The following STXBP5L variants were observed in gnomAD, a reference collection of about 807,000 sequenced individuals.
STXBP5L encodes syntaxin-binding protein 5-like.
A neutral mutation model predicts 144.5 loss-of-function variants in STXBP5L; 65 were observed. The observed-to-expected ratio is 0.45, with a 90% CI of 0.37 to 0.55. The LOEUF (loss-of-function observed/expected upper bound fraction) is 0.55. Among genes scored for constraint, STXBP5L ranks in the 20% least tolerant of loss-of-function variants. The probability of loss-of-function intolerance (pLI) is 0.00; values close to 1 mark genes in which losing one functional copy is unlikely to be tolerated. For synonymous variants in STXBP5L, 505 were observed against 469.6 expected, an observed-to-expected ratio of 1.08 and a Z score of -0.97; for missense variants, 1,298 against 1,405.5, an observed-to-expected ratio of 0.92 and a Z score of 1.22.
In STXBP5L at chr3:121,320,701, CTT is replaced by C. The variant is rs533248342; in HGVS notation, c.2176+2179_2176+2180del. 4.4e-4 allele frequency among the ~76,000 whole-genome samples: 60 copies of C among 134,840 alleles called. 1 individual carries two copies. Among genetic ancestry groups the C allele is most frequent in the Non-Finnish European group, 4.3e-4 (27 of 62,630 alleles). 88.5% of individuals were successfully genotyped at this position (134,840 alleles called of 152,430 possible). On this transcript the variant is annotated intron_variant, in intron 20 of 26. Transcript: ENST00000471454. ...ACCACCACAACGCACAACGACCACA[CTT>C]TTTTTTTTTTTTTTTTTAGACGGAG...
intron 5 of STXBP5L, among the ~76,000 whole-genome samples, chr3:121,076,460 C>T (rs72970647): frequency 6.6e-6 from 1 of 151,984 alleles, no homozygotes; most frequent in South Asian, 2.1e-4. Context: ...TTCTGTGGTT[C>T]CTGGTTTTGT....
At chr3:120,978,236 G>A (rs569282401) in intron 3 of STXBP5L, among the ~76,000 whole-genome samples, 5 of 152,186 alleles carry the variant, frequency 3.3e-5, no homozygotes, top group African/African-American at 1.2e-4. Flanking sequence ...TGGAGGCTTT[G>A]TTCGTTTCTT....
intron 3 of STXBP5L, among the ~76,000 whole-genome samples, chr3:121,005,036 G>A (rs189850346): frequency 6.6e-6 from 1 of 152,258 alleles, no homozygotes; most frequent in African/African-American, 2.4e-5. Context: ...TCTCTGCCAG[G>A]CTTTGGTATC....
At chr3:121,344,601 G>A (rs2044874054) in intron 20 of STXBP5L, among the ~76,000 whole-genome samples, 1 of 151,970 alleles carries the variant, frequency 6.6e-6, no homozygotes, top group South Asian at 2.1e-4. Context: ...AATAGAATGT[G>A]AAGTTAAAAT....
At chr3:121,106,334 C>G (rs532793695) in intron 5 of STXBP5L, among the ~76,000 whole-genome samples, 9 of 152,224 alleles carry the variant, frequency 5.9e-5, no homozygotes, top group Admixed American at 1.3e-4. Flanking sequence ...TGGTTTGCTG[C>G]ACCTAACAAA....
At chr3:121,318,089 C>A (rs1238394211) in intron 19 of STXBP5L, among the ~76,000 whole-genome samples, 1 of 151,572 alleles carries the variant, frequency 6.6e-6, no homozygotes, top group Non-Finnish European at 1.5e-5. Flanking sequence ...ATCTTTGTAC[C>A]ATCCATGTTT....
chr3:120,918,657 T>C (rs542015888), intron 2 of STXBP5L, among the ~76,000 whole-genome samples: 11 of 152,338 alleles, frequency 7.2e-5, no homozygotes, highest in African/African-American at 2.4e-4. Context: ...AACATTTCTT[T>C]ATATAATCTA....
chr3:121,257,359 A>G, intron 17 of STXBP5L, 26 bp downstream of exon 17: 1 of 1,570,042 alleles, frequency 6.4e-7, no homozygotes, highest in Non-Finnish European at 8.7e-7. Context: ...AAATTTTCAA[A>G]CAATTTTAGA....
At chr3:121,336,680 T>C (rs1036459032) in intron 20 of STXBP5L, among the ~76,000 whole-genome samples, 2 of 152,048 alleles carry the variant, frequency 1.3e-5, no homozygotes, top group African/African-American at 4.8e-5. Flanking sequence ...TAAACTATTG[T>C]GGAAAGCAGT....
intron 3 of STXBP5L, among the ~76,000 whole-genome samples, chr3:120,977,296 G>A (rs1228779821): frequency 6.6e-6 from 1 of 152,178 alleles, no homozygotes; most frequent in Non-Finnish European, 1.5e-5. Context: ...TTACCATTAT[G>A]TAATGGCCTT....
At chr3:121,366,797 C>T (rs904508922) in intron 20 of STXBP5L, among the ~76,000 whole-genome samples, 1 of 150,848 alleles carries the variant, frequency 6.6e-6, no homozygotes, top group Non-Finnish European at 1.5e-5. Context: ...TTCTATAGGC[C>T]TTATAGCTTT....
chr3:121,187,668 C>A (rs1219811821), intron 9 of STXBP5L, among the ~76,000 whole-genome samples: 1 of 151,094 alleles, frequency 6.6e-6, no homozygotes, highest in African/African-American at 2.4e-5. Flanking sequence ...ATCATAAAGA[C>A]ATGATCAAAT....
At chr3:121,173,441 C>T (rs1189228692) in intron 9 of STXBP5L, among the ~76,000 whole-genome samples, 3 of 151,806 alleles carry the variant, frequency 2.0e-5, no homozygotes, top group Admixed American at 6.6e-5. Flanking sequence ...TATCAGAGAA[C>T]TCAGGTTGTA....
At chr3:120,913,365 G>C (rs1202878284) in intron 2 of STXBP5L, among the ~76,000 whole-genome samples, 1 of 151,860 alleles carries the variant, frequency 6.6e-6, no homozygotes, top group African/African-American at 2.4e-5. Context: ...CTAGGCACTT[G>C]CATTTTTTTG....
chr3:120,963,175 G>A (rs945391899), intron 3 of STXBP5L, among the ~76,000 whole-genome samples: 1 of 152,196 alleles, frequency 6.6e-6, no homozygotes, highest in Non-Finnish European at 1.5e-5. Flanking sequence ...GAGATTTTGG[G>A]CTGAGGCAAT....
rs73191441 is a variant in STXBP5L at position 121,231,537 on chromosome 3, G to C, written c.1112-2079G>C. Among the ~76,000 whole-genome samples the C allele has an allele frequency of 9.2e-3, 1,402 of 152,274 alleles. 6 individuals carry two copies. The highest frequency in any genetic ancestry group is 0.027 in the Middle Eastern group (8 of 294). ...GGAAGAAGCATTTTCTTTGGCCACT[G>C]TTGTACCTTTATGGCTTGTGCTGCT... On this transcript the variant is annotated intron_variant, in intron 11 of 26. Coordinates refer to ENST00000471454, the MANE Select transcript of STXBP5L (RefSeq NM_001308330.2).
chr3:121,144,040 T>A (rs1048882504), intron 7 of STXBP5L, among the ~76,000 whole-genome samples: 4 of 150,870 alleles, frequency 2.7e-5, no homozygotes, highest in Admixed American at 1.3e-4. Flanking sequence ...ATCAGCAGCG[T>A]GAAAACACAA....
chr3:120,983,851 C>T (rs1942036424), intron 3 of STXBP5L, among the ~76,000 whole-genome samples: 2 of 152,272 alleles, frequency 1.3e-5, no homozygotes, highest in South Asian at 2.1e-4. Context: ...CTTAGACAAT[C>T]CATTCAAAGT....
chr3:121,033,116 T>C (rs1472849664), intron 3 of STXBP5L, among the ~76,000 whole-genome samples: 4 of 106,348 alleles, frequency 3.8e-5, no homozygotes, highest in African/African-American at 1.5e-4. Flanking sequence ...TAAAGACACA[T>C]GCACACGTAT....
Sources: allele counts gnomAD v4.1 joint callset (sites outside exome capture counted in the v4.1 genomes callset), GRCh38; gene constraint gnomAD v4.1.1; transcripts MANE v1.5; gene names NCBI Gene and HGNC (gene_info 2026-07-23, HGNC 2026-07-21).